CAMK2G: variants seen among roughly 807,000 people sequenced by gnomAD.
CAMK2G encodes the protein calcium/calmodulin dependent protein kinase II gamma.
A neutral mutation model predicts 88.7 loss-of-function variants in CAMK2G; 23 were observed. The observed-to-expected ratio is 0.26, with a 90% CI of 0.19 to 0.37. The LOEUF (loss-of-function observed/expected upper bound fraction) is 0.37, where lower values mean the gene tolerates loss of function less well. Ranked by LOEUF, CAMK2G falls within the 10% of genes least tolerant of loss-of-function variation. The pLI is 1.00. For missense variants in CAMK2G, 476 were observed against 780.8 expected, an observed-to-expected ratio of 0.61 and a Z score of 4.65; for synonymous variants, 263 against 294.8, an observed-to-expected ratio of 0.89 and a Z score of 1.11.
intron 5 of CAMK2G, among the ~76,000 whole-genome samples, chr10:73,851,825 A>C (rs1386657593): frequency 1.3e-5 from 2 of 151,748 alleles, no homozygotes; most frequent in Non-Finnish European, 2.9e-5. Context: ...GGCTCACTGC[A>C]ACCTTCGCTT....
At chr10:73,864,177 C>G (rs1365714224) in intron 2 of CAMK2G, among the ~76,000 whole-genome samples, 2 of 152,120 alleles carry the variant, frequency 1.3e-5, no homozygotes, top group African/African-American at 4.8e-5. Flanking sequence ...TGGCAAAACC[C>G]CATCTCTACT....
At chr10:73,841,318 G>C (rs193181881) in intron 12 of CAMK2G, among the ~76,000 whole-genome samples, 7 of 152,298 alleles carry the variant, frequency 4.6e-5, no homozygotes, top group East Asian at 1.9e-4. Context: ...GAAGGAGAAG[G>C]GGGGGTCTTG....
chr10:73,862,460 A>G (rs1360242945), intron 2 of CAMK2G, among the ~76,000 whole-genome samples: 2 of 152,166 alleles, frequency 1.3e-5, no homozygotes, highest in African/African-American at 4.8e-5. Flanking sequence ...GGGTTTACTA[A>G]TAACAGTAGT....
chr10:73,815,292 A>T (rs1337227444), intron 21 of CAMK2G, 45 bp from the exon 22 acceptor site: 5 of 1,292,514 alleles, frequency 3.9e-6, no homozygotes, highest in Non-Finnish European at 5.6e-6. Flanking sequence ...AGGCCTGGGC[A>T]CCTGCATTTT....
chr10:73,839,512 C>T lies in CAMK2G; in HGVS notation c.1009+27G>A, dbSNP rs780195694. ...TGGGGTGGCAGGGGGCCGAGGCAGG[C>T]GGTCGGGGAGGACTCATGCCACGTA... On this transcript the variant is annotated intron_variant, in intron 13 of 22. Coordinates refer to ENST00000423381, the MANE Select transcript of CAMK2G (RefSeq NM_001367534.1). The surrounding 1 kb of genome is among the most constrained non-coding windows in gnomAD (Gnocchi z 4.2). 104 of 1,220,344 alleles carry T rather than the reference C, an allele frequency of 8.5e-5. No homozygotes were observed. The highest frequency in any genetic ancestry group is 1.2e-4 in the South Asian group (3 of 24,194). 75.6% of individuals were successfully genotyped at this position (1,220,344 alleles called of 1,614,324 possible). A position where few individuals can be genotyped will look rare whatever the true frequency, so the allele number is the denominator to read the frequency against.
intron 3 of CAMK2G, among the ~76,000 whole-genome samples, chr10:73,860,598 T>C (rs1456385035): frequency 6.6e-6 from 1 of 152,178 alleles, no homozygotes; most frequent in Non-Finnish European, 1.5e-5. Context: ...CTGAAACCTA[T>C]TCTGATGCCT....
intron 2 of CAMK2G, among the ~76,000 whole-genome samples, chr10:73,864,100 A>G (rs1327905201): frequency 6.6e-6 from 1 of 152,174 alleles, no homozygotes; most frequent in African/African-American, 2.4e-5. Context: ...ATCCCAGTCC[A>G]GTACTTTGGG....
chr10:73,846,590 A>C (rs2094256166), intron 10 of CAMK2G: 1 of 152,240 alleles, frequency 6.6e-6, no homozygotes, highest in Non-Finnish European at 1.5e-5. Context: ...ACCAGCACCA[A>C]AGAGGTATTT....
intron 19 of CAMK2G, chr10:73,819,037 G>A: frequency 2.8e-6 from 1 of 356,832 alleles, no homozygotes; most frequent in South Asian, 2.1e-5. Context: ...GCAGCTCTGG[G>A]AGGTTAAACT....
At chr10:73,862,202 C>T (rs1199439935) in intron 2 of CAMK2G, among the ~76,000 whole-genome samples, 4 of 151,656 alleles carry the variant, frequency 2.6e-5, no homozygotes, top group Non-Finnish European at 5.9e-5. Flanking sequence ...ACTGTCCTTC[C>T]CTCTTTCTAC....
Position 73,817,116 on chromosome 10 carries a change from T to C in CAMK2G, c.1441A>G (p.Lys481Glu). The C allele has an allele frequency of 6.3e-7, 1 of 1,595,112 alleles. No individual in the cohort carries two copies. ...INNGDFEAYT[K>E]ICDPGLTSFE... ...GAAGTGAGGCCTGGATCACAAATCTTCCTACAGGGAGAAAAAAAAAAGCAG... is the reference window on the plus strand; with the variant it reads ...GAAGTGAGGCCTGGATCACAAATCTCCCTACAGGGAGAAAAAAAAAAGCAG... Residue 481 changes from lysine to glutamate, a missense_variant and splice_region_variant, in exon 21 of 23, where the codon AAG (lysine) becomes GAG (glutamate). Lys to Glu is a moderately conservative substitution (Grantham distance 56, BLOSUM62 1). Transcript: ENST00000423381.
At position 73,839,447 on chromosome 10, in the gene CAMK2G, G is replaced by A. The variant is rs1306203939; in HGVS notation, c.1009+92C>T. ...ATCTCAGCCCGCAAGCATGGGACTCGCCTCCCTGGTGAGTGGGCCCGGCAT... is the reference window on the plus strand; with the variant it reads ...ATCTCAGCCCGCAAGCATGGGACTCACCTCCCTGGTGAGTGGGCCCGGCAT... On this transcript the variant is annotated intron_variant, in intron 13 of 22. Transcript: ENST00000423381. This position sits in a 1 kb window ranked among gnomAD's most constrained non-coding sequence, Gnocchi z 4.2. The A allele has an allele frequency of 7.6e-6, 5 of 655,036 alleles. No homozygotes were observed. The highest frequency in any genetic ancestry group is 1.9e-5 in the African/African-American group (1 of 53,362). The allele number at this position is 655,036 out of a possible 1,614,324, so 40.6% of individuals were successfully genotyped here.
Position 73,842,943 on chromosome 10 carries a change from C to G in CAMK2G, c.820-402G>C, listed in dbSNP as rs1408073984. Among the ~76,000 whole-genome samples the G allele has an allele frequency of 6.6e-6, 1 of 152,116 alleles. No homozygotes were observed. The highest frequency in any genetic ancestry group is 1.5e-5 in the Non-Finnish European group (1 of 68,028). ...GAGAGAACGGCAGGGTTCCTGCTCT[C>G]TACAGAGGACATTCCTTCCTTCCAA... On this transcript the variant is annotated intron_variant, in intron 10 of 22. Coordinates refer to ENST00000423381, the MANE Select transcript of CAMK2G (RefSeq NM_001367534.1). The surrounding 1 kb of genome is among the most constrained non-coding windows in gnomAD (Gnocchi z 4.6).
At chr10:73,833,325 C>T (rs1474707485) in intron 14 of CAMK2G, among the ~76,000 whole-genome samples, 1 of 151,958 alleles carries the variant, frequency 6.6e-6, no homozygotes, top group African/African-American at 2.4e-5. Flanking sequence ...TAGCTTTTTC[C>T]TATTTTGAAT....
In CAMK2G at chr10:73,849,080, A is replaced by C. The variant is rs771937952; in HGVS notation, c.450T>G (p.Gly150=). Reference sequence around the variant, plus strand: ...CAAAATCAGCCAGCTTGACGGCGGCACCCTTGCATTTACTCGCCAGCAGCA... The same window carrying C: ...CAAAATCAGCCAGCTTGACGGCGGCCCCCTTGCATTTACTCGCCAGCAGCA... The part of the protein sequence containing the change: ...ENLLLASKCK[G]AAVKLADFGL... The change falls in exon 7 of 23, where the codon GGT becomes GGG. Residue 150 remains glycine (G), a synonymous_variant. Coordinates refer to ENST00000423381, the MANE Select transcript of CAMK2G (RefSeq NM_001367534.1). 6.2e-7 allele frequency: 1 copy of C among 1,614,054 alleles called. No homozygotes were observed. The highest frequency in any genetic ancestry group is 1.7e-5 in the Admixed American group (1 of 60,010).
intron 5 of CAMK2G, among the ~76,000 whole-genome samples, chr10:73,850,796 C>T (rs1010074068): frequency 1.3e-5 from 2 of 150,666 alleles, no homozygotes; most frequent in Admixed American, 6.6e-5. Context: ...CTCGGGCCTC[C>T]CCATAGGACA....
At chr10:73,821,574 AG>A (rs1206938459) in intron 18 of CAMK2G, 107 bp downstream of exon 18, 42 of 823,136 alleles carry the variant, frequency 5.1e-5, no homozygotes, top group Non-Finnish European at 8.0e-5. Flanking sequence ...CTAGGGGCAT[AG>A]GAGCCAGCAT....
At chr10:73,844,932 G>A (rs113821787) in intron 10 of CAMK2G, among the ~76,000 whole-genome samples, 8 of 152,172 alleles carry the variant, frequency 5.3e-5, no homozygotes, top group African/African-American at 1.7e-4. Context: ...GATTCCTGAC[G>A]CTCCCTTACT....
In CAMK2G at chr10:73,872,996, A is replaced by T; in HGVS notation, c.153T>A (p.Ser51=). 1 of 1,607,740 alleles carries T rather than the reference A, an allele frequency of 6.2e-7. No individual in the cohort carries two copies. Among genetic ancestry groups the T allele is most frequent in the South Asian group, 1.1e-5 (1 of 90,984 alleles). ...AAKIINTKKL[S]ARDHQKLERE... ...AAGACAGGGAACACTCACCCCGGGC[A>T]GACAACTTCTTGGTATTGATGATTT... Residue 51 remains serine, a synonymous_variant, in exon 2 of 23, where the codon TCT becomes TCA. Transcript: ENST00000423381.
Sources: gnomAD v4.1 joint callset for allele counts (sites outside exome capture counted in the v4.1 genomes callset) on GRCh38, gnomAD v4.1.1 for gene constraint, Gnocchi (gnomAD v3.1) non-coding constraint, MANE v1.5 for transcripts, NCBI Gene and HGNC (gene_info 2026-07-23, HGNC 2026-07-21) for gene names.